Variants in UGDH observed in about 807,000 individuals in gnomAD.
UGDH encodes the protein UDP-Glc dehydrogenase.
Under a neutral mutation model 50.6 loss-of-function variants are expected in UGDH, and 38 were observed. The ratio of observed to expected loss-of-function variants is 0.75; its 90% confidence interval spans 0.58 to 0.98. The LOEUF is 0.98. Ranked by LOEUF, UGDH falls within the 50% of genes least tolerant of loss-of-function variation. The pLI, the probability that UGDH is intolerant of heterozygous loss-of-function variation, is 0.00. For missense variants in UGDH, 465 were observed against 606.2 expected (o/e 0.77, Z 2.45); for synonymous variants, 168 against 199.9 (o/e 0.84, Z 1.35).
At chr4:39,511,710 CTTT>C (rs59465226) in intron 3 of UGDH, among the ~76,000 whole-genome samples, 2 of 134,762 alleles carry the variant, frequency 1.5e-5, no homozygotes, top group Non-Finnish European at 3.2e-5. Flanking sequence ...CAAAGACTTG[CTTT>C]TTTTTTTTTT....
chr4:39,511,451 C>G (rs1746242679), intron 3 of UGDH, among the ~76,000 whole-genome samples: 1 of 151,666 alleles, frequency 6.6e-6, no homozygotes, highest in African/African-American at 2.4e-5. Context: ...TTAGTAGAGA[C>G]AGGGTTTCAT....
At chr4:39,512,184 A>G (rs181400486) in intron 3 of UGDH, among the ~76,000 whole-genome samples, 16 of 152,312 alleles carry the variant, frequency 1.1e-4, no homozygotes, top group African/African-American at 3.8e-4. Context: ...TAATGCTCTG[A>G]CAAAAATGAA....
chr4:39,500,838 A>G (rs1420287468), intron 11 of UGDH, among the ~76,000 whole-genome samples: 3 of 152,016 alleles, frequency 2.0e-5, no homozygotes, highest in Non-Finnish European at 4.4e-5. Flanking sequence ...TATTTTTAGT[A>G]GAGATGAGGT....
intron 3 of UGDH, among the ~76,000 whole-genome samples, chr4:39,513,796 C>A (rs10007626): frequency 0.38 from 57,269 of 151,962 alleles, 13,261 homozygotes; most frequent in East Asian, 0.69. Flanking sequence ...TGGCCTCCCA[C>A]AATGCTGGGA....
intron 1 of UGDH, among the ~76,000 whole-genome samples, chr4:39,525,292 C>T (rs1746829304): frequency 6.6e-6 from 1 of 152,178 alleles, no homozygotes. Flanking sequence ...CTCCTGGGTT[C>T]AAGCAATTCT....
In UGDH at chr4:39,510,684, T is replaced by C. The variant is rs752737840; in HGVS notation, c.442A>G (p.Thr148Ala). The C allele has an allele frequency of 6.2e-7, 1 of 1,614,262 alleles. No homozygotes were observed. The highest frequency in any genetic ancestry group is 8.5e-7 in the Non-Finnish European group (1 of 1,180,046). ...ESIRRIFDAN[T>A]KPNLNLQVLS... ...ACCTGTAAATTCAAGTTGGGTTTTG[T>C]GTTTGCATCAAATATGCGACGGATA... The change falls in exon 4 of 12, where the codon ACA (threonine) becomes GCA (alanine). Residue 148 changes from threonine to alanine, a missense_variant. Coordinates refer to ENST00000316423, the MANE Select transcript of UGDH (RefSeq NM_003359.4).
Position 39,510,493 on chromosome 4 carries a change from G to T in UGDH, c.523C>A (p.Pro175Thr), listed in dbSNP as rs756467468. The T allele has an allele frequency of 1.9e-6, 3 of 1,614,116 alleles. No homozygotes were observed. In the South Asian group the frequency reaches 3.3e-5, roughly 18 times the overall value. Residue 175 changes from proline (P) to threonine (T), a missense_variant, in exon 5 of 12, where the codon CCA becomes ACA. By Grantham distance (38) the Pro-to-Thr change is conservative. Coordinates refer to ENST00000316423, the MANE Select transcript of UGDH (RefSeq NM_003359.4). ...TCCCCTCCAATCAGTACTCTGTCTG[G>T]GTTCTTTAGGTCCTTGATGGCTGTT... ...EGTAIKDLKN[P>T]DRVLIGGDET...
chr4:39,501,360 T>C (rs946870281), intron 11 of UGDH, among the ~76,000 whole-genome samples: 6 of 151,682 alleles, frequency 4.0e-5, no homozygotes, highest in African/African-American at 9.7e-5. Context: ...CTGCAAGCTC[T>C]GCCTCCCGGT....
At position 39,510,877 on chromosome 4, in the gene UGDH, G is replaced by C; in HGVS notation, c.265-16C>G. 6.2e-7 allele frequency: 1 copy of C among 1,613,644 alleles called. No homozygotes were observed. The highest frequency in any genetic ancestry group is 8.5e-7 in the Non-Finnish European group (1 of 1,179,686). On this transcript the variant is annotated splice_polypyrimidine_tract_variant and intron_variant, in intron 3 of 11. Transcript: ENST00000316423. ...GAGTATTCACCTGATGTAAGTATATGGGATAAAGAACAGAGTGCCTGTGAG... is the reference window on the plus strand; with the variant it reads ...GAGTATTCACCTGATGTAAGTATATCGGATAAAGAACAGAGTGCCTGTGAG...
intron 11 of UGDH, among the ~76,000 whole-genome samples, chr4:39,501,977 T>A (rs925706043): frequency 6.6e-6 from 1 of 152,230 alleles, no homozygotes; most frequent in African/African-American, 2.4e-5. Flanking sequence ...AAGAAAGGGC[T>A]TCTGCTTTAT....
chr4:39,511,265 C>CTTT (rs200878844), intron 3 of UGDH, among the ~76,000 whole-genome samples: 11 of 141,638 alleles, frequency 7.8e-5, no homozygotes, highest in African/African-American at 2.9e-4. Context: ...GTTTTAAAGT[C>CTTT]TTTTTTTTTT....
In UGDH at chr4:39,500,137, C is replaced by G. The variant is rs768851040; in HGVS notation, c.*6G>C. 6.4e-5 allele frequency: 93 copies of G among 1,463,042 alleles called. No homozygotes were observed. The Middle Eastern group carries it at 2.5e-3, about 39-fold the overall frequency. The allele number at this position is 1,463,042 out of a possible 1,614,324, so 90.6% of individuals were successfully genotyped here. The stretch of plus-strand genomic sequence containing the variant: ...AAAAAAAAATCACAAATAAAAATGG[C>G]AATCTCTACACTTTAGGTTTCTTGT... On this transcript the variant is annotated 3_prime_UTR_variant, in exon 12 of 12. Coordinates refer to ENST00000316423, the MANE Select transcript of UGDH (RefSeq NM_003359.4).
rs533906757 is a variant in UGDH, at chr4:39,502,798, A to G, written c.1374+1077T>C. Among the ~76,000 whole-genome samples, 242 of 151,676 alleles carry G rather than the reference A, an allele frequency of 1.6e-3. 1 individual carries two copies. The highest frequency in any genetic ancestry group is 5.7e-3 in the African/African-American group (235 of 41,262). On this transcript the variant is annotated intron_variant, in intron 11 of 11. Coordinates refer to ENST00000316423, the MANE Select transcript of UGDH (RefSeq NM_003359.4). ...GTCTTGCTCTGTCACCCAGGCTGGCATGCAATGGCATGATCTCAGCTCATT... is the reference window on the plus strand; with the variant it reads ...GTCTTGCTCTGTCACCCAGGCTGGCGTGCAATGGCATGATCTCAGCTCATT...
Position 39,500,031 on chromosome 4 carries a change from A to G in UGDH, c.*112T>C. ...GGCAACAGTGAGACTCTGTCTCAAAAAAAAAACAAAAAAAAACACTTGGTT... is the reference window on the plus strand; with the variant it reads ...GGCAACAGTGAGACTCTGTCTCAAAGAAAAAACAAAAAAAAACACTTGGTT... On this transcript the variant is annotated 3_prime_UTR_variant, in exon 12 of 12. Transcript: ENST00000316423. 1.5e-6 allele frequency: 1 copy of G among 650,284 alleles called. No individual in the cohort carries two copies. The highest frequency in any genetic ancestry group is 2.5e-6 in the Non-Finnish European group (1 of 396,074). The allele number at this position is 650,284 out of a possible 1,614,324, so 40.3% of individuals were successfully genotyped here.
At chr4:39,508,737 T>A in intron 6 of UGDH, 77 bp from the exon 7 acceptor site, 1 of 1,250,148 alleles carries the variant, frequency 8.0e-7, no homozygotes, top group Non-Finnish European at 1.1e-6. Context: ...TTCTTTATAC[T>A]AAATCAGAAA....
At chr4:39,510,961 A>T in intron 3 of UGDH, 100 bp from the exon 4 acceptor site, 2 of 1,123,142 alleles carry the variant, frequency 1.8e-6, no homozygotes, top group Non-Finnish European at 2.7e-6. Flanking sequence ...AACAATCATC[A>T]GTAGCCCTGA....
chr4:39,524,536 T>A (rs1307173558), intron 1 of UGDH, among the ~76,000 whole-genome samples: 1 of 151,538 alleles, frequency 6.6e-6, no homozygotes, highest in Non-Finnish European at 1.5e-5. Context: ...AAGGTCTCAC[T>A]CTGTTGCCCA....
At chr4:39,502,750 T>C (rs1410012647) in intron 11 of UGDH, among the ~76,000 whole-genome samples, 1 of 152,096 alleles carries the variant, frequency 6.6e-6, no homozygotes, top group Non-Finnish European at 1.5e-5. Context: ...ATTGACAAAC[T>C]GTTTTTTGTT....
chr4:39,522,465 C>T (rs1343867036), intron 1 of UGDH, among the ~76,000 whole-genome samples: 4 of 152,130 alleles, frequency 2.6e-5, no homozygotes, highest in Non-Finnish European at 5.9e-5. Flanking sequence ...GATCAGAGAA[C>T]GCACTCTGGA....
Sources: allele counts gnomAD v4.1 joint callset (sites outside exome capture counted in the v4.1 genomes callset), GRCh38; gene constraint gnomAD v4.1.1; transcripts MANE v1.5; gene names NCBI Gene and HGNC (gene_info 2026-07-23, HGNC 2026-07-21).